Variants in BNC2 observed in about 807,000 individuals in gnomAD.
BNC2 encodes the protein basonuclin zinc finger protein 2, also known as zinc finger protein basonuclin-2.
Under a neutral mutation model 76.3 loss-of-function variants are expected in BNC2, and 20 were observed. The ratio of observed to expected loss-of-function variants is 0.26; its 90% CI spans 0.18 to 0.38. BNC2 has a LOEUF of 0.38. Among genes scored for constraint, BNC2 ranks in the 10% least tolerant of loss-of-function variants. The pLI, the probability that BNC2 is intolerant of heterozygous loss-of-function variation, is 1.00. For missense variants in BNC2, 1,382 were observed against 1,399.8 expected (o/e 0.99, Z 0.20); for synonymous variants, 582 against 514.8 (o/e 1.13, Z -1.77).
At chr9:16,533,460 T>G (rs1390682883) in intron 5 of BNC2, among the ~76,000 whole-genome samples, 1 of 152,084 alleles carries the variant, frequency 6.6e-6, no homozygotes, top group Non-Finnish European at 1.5e-5. Context: ...GAGAAATAAT[T>G]CTGAATCAAA....
intron 3 of BNC2, among the ~76,000 whole-genome samples, chr9:16,701,118 C>T (rs1232497303): frequency 6.6e-5 from 10 of 152,102 alleles, no homozygotes; most frequent in Non-Finnish European, 1.3e-4. Flanking sequence ...TCAAGTATTC[C>T]AGGGATCCCT....
Position 16,831,021 on chromosome 9 carries a change from G to A in BNC2, c.3+39625C>T, listed in dbSNP as rs565429295. ...GTGGAAAATGTTTCATCCTCTCAAC[G>A]AAAACGTCATTATTTCCTCGTAACA... On this transcript the variant is annotated intron_variant, in intron 1 of 6. Coordinates refer to ENST00000380672, the MANE Select transcript of BNC2 (RefSeq NM_017637.6). Among the ~76,000 whole-genome samples, 78 of 152,262 alleles carry A rather than the reference G, an allele frequency of 5.1e-4. 1 individual carries two copies. Among genetic ancestry groups the A allele is most frequent in the African/African-American group, 1.6e-3 (66 of 41,546 alleles).
chr9:16,513,841 G>A (rs1587118634), intron 5 of BNC2, among the ~76,000 whole-genome samples: 1 of 152,086 alleles, frequency 6.6e-6, no homozygotes, highest in African/African-American at 2.4e-5. Context: ...GATGAACTAG[G>A]GAGTTTCTTA....
rs912807278 is a variant in BNC2, at chr9:16,560,913, G to C, written c.434-8148C>G. On this transcript the variant is annotated intron_variant, in intron 4 of 6. Transcript: ENST00000380672. Reference sequence around the variant, plus strand: ...ACAGAGCCAGAACCAACCAACGCAGGAAAGTTCAGAAGTAAGAGGGTTGTT... The same window carrying C: ...ACAGAGCCAGAACCAACCAACGCAGCAAAGTTCAGAAGTAAGAGGGTTGTT... Among the ~76,000 whole-genome samples the C allele has an allele frequency of 3.3e-5, 5 of 152,156 alleles. No individual in the cohort carries two copies. The South Asian group carries it at 1.0e-3, about 32-fold the overall frequency.
intron 1 of BNC2, among the ~76,000 whole-genome samples, chr9:16,759,268 T>C (rs1213928941): frequency 2.0e-5 from 3 of 152,224 alleles, no homozygotes; most frequent in East Asian, 1.9e-4. Context: ...TACTTTGTTA[T>C]GATAAGGGTC....
At chr9:16,451,500 C>T (rs1183109262) in intron 5 of BNC2, among the ~76,000 whole-genome samples, 2 of 150,978 alleles carry the variant, frequency 1.3e-5, no homozygotes, top group East Asian at 3.8e-4. Flanking sequence ...ATCTGAAGTC[C>T]CCTCAATATA....
chr9:16,581,170 G>A (rs983451254), intron 4 of BNC2, among the ~76,000 whole-genome samples: 1 of 152,142 alleles, frequency 6.6e-6, no homozygotes, highest in African/African-American at 2.4e-5. Flanking sequence ...TTGAATATAG[G>A]GTATTTAAAG....
intron 5 of BNC2, among the ~76,000 whole-genome samples, chr9:16,546,867 G>T (rs1344874551): frequency 6.6e-6 from 1 of 152,116 alleles, no homozygotes; most frequent in African/African-American, 2.4e-5. Context: ...TCCAAATATT[G>T]CCCATAGAGT....
At chr9:16,582,375 C>G (rs952390915) in intron 4 of BNC2, among the ~76,000 whole-genome samples, 1 of 152,220 alleles carries the variant, frequency 6.6e-6, no homozygotes, top group Middle Eastern at 3.4e-3. Flanking sequence ...CGCGTGGGGT[C>G]TCCCCACCCC....
Position 16,870,655 on chromosome 9 carries a change from A to T in BNC2, c.-7T>A. ...GGTGGAAACTTCTTACCATCTCGGC[A>T]TGCTGGTTGTCAAGTGCAGCCCCCG... On this transcript the variant is annotated 5_prime_UTR_variant, in exon 1 of 7. An upstream start codon of the reference 5' UTR is lost. Coordinates refer to ENST00000380672, the MANE Select transcript of BNC2 (RefSeq NM_017637.6). 1 of 1,610,980 alleles carries T rather than the reference A, an allele frequency of 6.2e-7. No individual in the cohort carries two copies. The highest frequency in any genetic ancestry group is 8.5e-7 in the Non-Finnish European group (1 of 1,178,566).
intron 4 of BNC2, among the ~76,000 whole-genome samples, chr9:16,577,211 T>C (rs1587192295): frequency 6.6e-6 from 1 of 152,198 alleles, no homozygotes; most frequent in African/African-American, 2.4e-5. Context: ...TCATTTATTG[T>C]TTATTGATAT....
At chr9:16,775,108 G>C (rs1358535459) in intron 1 of BNC2, among the ~76,000 whole-genome samples, 6 of 152,186 alleles carry the variant, frequency 3.9e-5, no homozygotes, top group African/African-American at 1.4e-4. Flanking sequence ...GAACTTGCCA[G>C]GAATGCAAAT....
intron 2 of BNC2, among the ~76,000 whole-genome samples, chr9:16,732,128 G>A (rs1370606388): frequency 2.3e-5 from 3 of 130,010 alleles, no homozygotes; most frequent in Non-Finnish European, 4.8e-5. Flanking sequence ...GTATTACGGT[G>A]GGTTTTGGGT....
At chr9:16,527,719 T>C (rs1005759515) in intron 5 of BNC2, among the ~76,000 whole-genome samples, 5 of 152,204 alleles carry the variant, frequency 3.3e-5, no homozygotes, top group Non-Finnish European at 4.4e-5. Context: ...TATAAGCGAA[T>C]AGTTAACAGC....
In BNC2 at chr9:16,412,626, C is replaced by T. The variant is rs888234634; in HGVS notation, c.*6363G>A. ...TCCACTTAATAGCTGGAGAGGGCATCGAGAGGCAGCCTTGGGCTTCCCACA... is the reference window on the plus strand; with the variant it reads ...TCCACTTAATAGCTGGAGAGGGCATTGAGAGGCAGCCTTGGGCTTCCCACA... On this transcript the variant is annotated 3_prime_UTR_variant, in exon 7 of 7. Coordinates refer to ENST00000380672, the MANE Select transcript of BNC2 (RefSeq NM_017637.6). 6.6e-6 allele frequency: 1 copy of T among 151,858 alleles called. No individual in the cohort carries two copies. The highest frequency in any genetic ancestry group is 1.5e-5 in the Non-Finnish European group (1 of 67,948). 9.4% of individuals were successfully genotyped at this position (151,858 alleles called of 1,614,324 possible). A position where few individuals can be genotyped will look rare whatever the true frequency, so the allele number is the denominator to read the frequency against.
intron 1 of BNC2, among the ~76,000 whole-genome samples, chr9:16,818,725 C>CT (rs1818243892): frequency 6.6e-6 from 1 of 152,118 alleles, no homozygotes; most frequent in Admixed American, 6.5e-5. Context: ...TGAGGTCTCA[C>CT]TAAGTTGCCC....
chr9:16,516,715 T>C (rs1226215235), intron 5 of BNC2, among the ~76,000 whole-genome samples: 3 of 152,152 alleles, frequency 2.0e-5, no homozygotes, highest in Non-Finnish European at 4.4e-5. Context: ...TTAAGACTAA[T>C]AGGAGACTAA....
intron 1 of BNC2, among the ~76,000 whole-genome samples, chr9:16,845,352 T>G (rs1356538207): frequency 6.6e-6 from 1 of 152,232 alleles, no homozygotes; most frequent in Non-Finnish European, 1.5e-5. Flanking sequence ...TCACATGGCC[T>G]AGACCATGGA....
At chr9:16,643,761 A>C (rs1313996582) in intron 3 of BNC2, among the ~76,000 whole-genome samples, 5 of 151,958 alleles carry the variant, frequency 3.3e-5, no homozygotes, top group Admixed American at 6.6e-5. Flanking sequence ...CTTCTGGAGT[A>C]AATGGGACAA....
Sources: allele counts gnomAD v4.1 joint callset (sites outside exome capture counted in the v4.1 genomes callset), GRCh38; gene constraint gnomAD v4.1.1; transcripts MANE v1.5; gene names NCBI Gene and HGNC (gene_info 2026-07-23, HGNC 2026-07-21).